The following HOXB2 variants were observed in gnomAD, a reference collection of about 807,000 sequenced individuals.
HOXB2 encodes homeobox B2, also known as homeobox protein Hox-B2.
HOXB2 carries 14 observed loss-of-function variants against 13.1 expected under a neutral mutation model. That is an observed-to-expected ratio of 1.07 (90% CI 0.71 to 1.67). The LOEUF (loss-of-function observed/expected upper bound fraction) is 1.67, where lower values mean the gene tolerates loss of function less well. Among genes scored for constraint, HOXB2 ranks in the 40% most tolerant of loss-of-function variants. The probability of loss-of-function intolerance (pLI) is 0.00; values close to 1 mark genes in which losing one functional copy is unlikely to be tolerated. For missense variants in HOXB2, 582 were observed against 488.3 expected, an observed-to-expected ratio of 1.19 and a Z score of -1.81; for synonymous variants, 261 against 233.1, an observed-to-expected ratio of 1.12 and a Z score of -1.09.
Position 48,544,948 on chromosome 17 carries a change from G to GGGGGGGGCGGGGGGGGGGGC in HOXB2, c.-38_-37insGCCCCCCCCCCCGCCCCCCC. 6 of 1,051,160 alleles carry GGGGGGGGCGGGGGGGGGGGC rather than the reference G, an allele frequency of 5.7e-6. No individual in the cohort carries two copies. The highest frequency in any genetic ancestry group is 2.4e-5 in the Admixed American group (1 of 42,144). 65.1% of individuals were successfully genotyped at this position (1,051,160 alleles called of 1,614,324 possible). ...GTGGGGGAGGGGGCTGCTGGGGGGGGCGTCAGGAGGGAGGATCGGAAGGGA... is the reference window on the plus strand; with the variant it reads ...GTGGGGGAGGGGGCTGCTGGGGGGGGGGGGGGGCGGGGGGGGGGGCCGTCAGGAGGGAGGATCGGAAGGGA... On this transcript the variant is annotated 5_prime_UTR_variant, in exon 1 of 2. Coordinates refer to ENST00000330070, the MANE Select transcript of HOXB2 (RefSeq NM_002145.4).
Position 48,543,664 on chromosome 17 carries a change from C to G in HOXB2, c.475G>C (p.Glu159Gln). ...AYTNTQLLELEKEFHFNKYLC... is the reference protein window; with the variant it reads ...AYTNTQLLELQKEFHFNKYLC... ...TACTTATTAAAGTGGAATTCCTTCT[C>G]CAGTTCCAGCAGCTGCGTGTTGGTG... Residue 159 changes from glutamate to glutamine, a missense_variant, in exon 2 of 2, where the codon GAG (glutamate) becomes CAG (glutamine). By Grantham distance (29) the Glu-to-Gln change is conservative (BLOSUM62 2). Transcript: ENST00000330070. 6.2e-7 allele frequency: 1 copy of G among 1,613,590 alleles called. No homozygotes were observed.
chr17:48,542,890 A>T lies in HOXB2; in HGVS notation c.*178T>A, dbSNP rs1269500659. On this transcript the variant is annotated 3_prime_UTR_variant, in exon 2 of 2. Coordinates refer to ENST00000330070, the MANE Select transcript of HOXB2 (RefSeq NM_002145.4). Reference sequence around the variant, plus strand: ...TTTTTCTGTGTGAATTTTAAAAGATAACCGAGTGCCCAATATTTTAGAAGA... The same window carrying T: ...TTTTTCTGTGTGAATTTTAAAAGATTACCGAGTGCCCAATATTTTAGAAGA... The T allele has an allele frequency of 2.2e-6, 1 of 445,202 alleles. No homozygotes were observed. Among genetic ancestry groups the T allele is most frequent in the African/African-American group, 2.0e-5 (1 of 49,106 alleles). The allele number at this position is 445,202 out of a possible 1,614,324, so 27.6% of individuals were successfully genotyped here.
In HOXB2 at chr17:48,543,365, C is replaced by T. The variant is rs756529478; in HGVS notation, c.774G>A (p.Ala258=). 6.3e-7 allele frequency: 1 copy of T among 1,591,742 alleles called. No homozygotes were observed. Among genetic ancestry groups the T allele is most frequent in the Non-Finnish European group, 8.5e-7 (1 of 1,173,088 alleles). ...AGCGAACGGCTAAAGGCCGGGGGTC[C>T]GCGCTTAAGGCCCCCGGCACCACCT... ...PPEVVPGALS[A]DPRPLAVRLE... is the part of the protein sequence containing the mutation. The change falls in exon 2 of 2, where the codon GCG becomes GCA. Residue 258 remains alanine (A), a synonymous_variant. Transcript: ENST00000330070.
In HOXB2 at chr17:48,542,945, T is replaced by A; in HGVS notation, c.*123A>T. The A allele has an allele frequency of 1.6e-6, 1 of 635,252 alleles. No homozygotes were observed. The highest frequency in any genetic ancestry group is 3.2e-5 in the Admixed American group (1 of 31,132). 39.4% of individuals were successfully genotyped at this position (635,252 alleles called of 1,614,324 possible). ...GAAAGGGAGTGGATTAAACGCTAATTCAGTAATACCTGAATTTTAGCAAAA... is the reference window on the plus strand; with the variant it reads ...GAAAGGGAGTGGATTAAACGCTAATACAGTAATACCTGAATTTTAGCAAAA... On this transcript the variant is annotated 3_prime_UTR_variant, in exon 2 of 2. Coordinates refer to ENST00000330070, the MANE Select transcript of HOXB2 (RefSeq NM_002145.4).
At position 48,543,118 on chromosome 17, in the gene HOXB2, G is replaced by C. The variant is rs746777954; in HGVS notation, c.1021C>G (p.Leu341Val). ...CAGAGCGTACTGGTGAAAAAATCCA[G>C]CTCTTCCTCGGAAAAAGGGACCGGG... ...DSPVPFSEEE[L>V]DFFTSTLCAI... is the part of the protein sequence containing the mutation. Residue 341 changes from leucine (L) to valine (V), a missense_variant, in exon 2 of 2, where the codon CTG (leucine) becomes GTG (valine). By Grantham distance (32) the Leu-to-Val change is conservative. Coordinates refer to ENST00000330070, the MANE Select transcript of HOXB2 (RefSeq NM_002145.4). 4 of 1,613,058 alleles carry C rather than the reference G, an allele frequency of 2.5e-6. No homozygotes were observed. Among genetic ancestry groups the C allele is most frequent in the Non-Finnish European group, 3.4e-6 (4 of 1,179,758 alleles).
Position 48,543,104 on chromosome 17 carries a change from G to A in HOXB2, c.1035C>T (p.Thr345=). The change falls in exon 2 of 2, where the codon ACC becomes ACT. Residue 345 remains threonine, a synonymous_variant. Transcript: ENST00000330070. ...GCAGGTCGATGGCACAGAGCGTACT[G>A]GTGAAAAAATCCAGCTCTTCCTCGG... ...PFSEEELDFF[T]STLCAIDLQF... The A allele has an allele frequency of 6.2e-7, 1 of 1,612,874 alleles. No homozygotes were observed. The highest frequency in any genetic ancestry group is 1.3e-5 in the African/African-American group (1 of 74,854).
chr17:48,544,955 G>T lies in HOXB2; in HGVS notation c.-44C>A, dbSNP rs199560772. On this transcript the variant is annotated 5_prime_UTR_variant, in exon 1 of 2. Transcript: ENST00000330070. Reference sequence around the variant, plus strand: ...AGGGGGCTGCTGGGGGGGGCGTCAGGAGGGAGGATCGGAAGGGACCCCCCT... The same window carrying T: ...AGGGGGCTGCTGGGGGGGGCGTCAGTAGGGAGGATCGGAAGGGACCCCCCT... 8 of 1,350,790 alleles carry T rather than the reference G, an allele frequency of 5.9e-6. No individual in the cohort carries two copies. The highest frequency in any genetic ancestry group is 1.5e-5 in the South Asian group (1 of 67,382). 83.7% of individuals were successfully genotyped at this position (1,350,790 alleles called of 1,614,324 possible).
At position 48,544,989 on chromosome 17, in the gene HOXB2, C is replaced by T. The variant is rs1267372895; in HGVS notation, c.-78G>A. The T allele has an allele frequency of 1.5e-6, 2 of 1,365,774 alleles. No individual in the cohort carries two copies. The highest frequency in any genetic ancestry group is 2.5e-5 in the East Asian group (1 of 40,250). 84.6% of individuals were successfully genotyped at this position (1,365,774 alleles called of 1,614,324 possible). On this transcript the variant is annotated 5_prime_UTR_variant, in exon 1 of 2. Coordinates refer to ENST00000330070, the MANE Select transcript of HOXB2 (RefSeq NM_002145.4). ...TCGGAAGGGACCCCCCTCCTGCACC[C>T]CCCCCGATTTATGTAATGGAGCGAT...
chr17:48,543,381 G>C lies in HOXB2; in HGVS notation c.758C>G (p.Pro253Arg). 1.5e-5 allele frequency: 24 copies of C among 1,587,604 alleles called. No individual in the cohort carries two copies. Among genetic ancestry groups the C allele is most frequent in the Non-Finnish European group, 2.0e-5 (23 of 1,170,434 alleles). Reference sequence around the variant, plus strand: ...CCGGGGGTCCGCGCTTAAGGCCCCCGGCACCACCTCCGGCGGGTGACAGCA... The same window carrying C: ...CCGGGGGTCCGCGCTTAAGGCCCCCCGCACCACCTCCGGCGGGTGACAGCA... ...EACCHPPEVVPGALSADPRPL... is the reference protein window; with the variant it reads ...EACCHPPEVVRGALSADPRPL... Residue 253 changes from proline to arginine, a missense_variant, in exon 2 of 2, where the codon CCG becomes CGG. Coordinates refer to ENST00000330070, the MANE Select transcript of HOXB2 (RefSeq NM_002145.4).
intron 1 of HOXB2, chr17:48,543,979 G>T: frequency 7.7e-7 from 1 of 1,290,542 alleles, no homozygotes; most frequent in Non-Finnish European, 9.8e-7. Flanking sequence ...CACGGGCCAC[G>T]CAGGGGGCGG....
Position 48,542,806 on chromosome 17 carries a change from A to G in HOXB2, c.*262T>C. Reference sequence around the variant, plus strand: ...AGGTCCCTCTAGTTATTTTTAAGAAAGTCCCCCTAGAGTTTAATTATTCCT... The same window carrying G: ...AGGTCCCTCTAGTTATTTTTAAGAAGGTCCCCCTAGAGTTTAATTATTCCT... On this transcript the variant is annotated 3_prime_UTR_variant, in exon 2 of 2. Transcript: ENST00000330070. 2.9e-6 allele frequency: 1 copy of G among 344,340 alleles called. No homozygotes were observed. Among genetic ancestry groups the G allele is most frequent in the African/African-American group, 2.1e-5 (1 of 47,642 alleles). The allele number at this position is 344,340 out of a possible 1,614,324, so 21.3% of individuals were successfully genotyped here. A position where few individuals can be genotyped will look rare whatever the true frequency, so the allele number is the denominator to read the frequency against.
chr17:48,543,941 G>A (rs2068536713), intron 1 of HOXB2, 194 bp from the exon 2 acceptor site: 3 of 1,367,852 alleles, frequency 2.2e-6, no homozygotes, highest in South Asian at 1.8e-5. Flanking sequence ...GCCCCGGCCC[G>A]GGTCAGGGCA....
Position 48,543,124 on chromosome 17 carries a change from C to T in HOXB2, c.1015G>A (p.Glu339Lys), listed in dbSNP as rs374804676. The T allele has an allele frequency of 4.3e-5, 69 of 1,612,764 alleles. 2 individuals carry two copies. In the Middle Eastern group the frequency reaches 4.9e-4, roughly 12 times the overall value. ...GTACTGGTGAAAAAATCCAGCTCTTCCTCGGAAAAAGGGACCGGGCTGTCG... is the reference window on the plus strand; with the variant it reads ...GTACTGGTGAAAAAATCCAGCTCTTTCTCGGAAAAAGGGACCGGGCTGTCG... The part of the protein sequence containing the change: ...SLDSPVPFSE[E>K]ELDFFTSTLC... Residue 339 changes from glutamate to lysine, a missense_variant, in exon 2 of 2, where the codon GAA becomes AAA. By Grantham distance (56) the Glu-to-Lys change is moderately conservative. Transcript: ENST00000330070.
At chr17:48,543,894 T>C (rs2068535961) in intron 1 of HOXB2, 147 bp from the exon 2 acceptor site, 2 of 1,072,958 alleles carry the variant, frequency 1.9e-6, no homozygotes, top group Non-Finnish European at 2.4e-6. Flanking sequence ...CTCGCTTTAC[T>C]GCTTTTGGGT....
Position 48,542,984 on chromosome 17 carries a change from G to A in HOXB2, c.*84C>T. The A allele has an allele frequency of 9.4e-7, 1 of 1,067,114 alleles. No homozygotes were observed. The highest frequency in any genetic ancestry group is 1.4e-6 in the Non-Finnish European group (1 of 736,668). 66.1% of individuals were successfully genotyped at this position (1,067,114 alleles called of 1,614,324 possible). Reference sequence around the variant, plus strand: ...ATTTTAGCAAAACACATAAGTCTATGCGACTGAGGGTGGGAGAGGCTCGAT... The same window carrying A: ...ATTTTAGCAAAACACATAAGTCTATACGACTGAGGGTGGGAGAGGCTCGAT... On this transcript the variant is annotated 3_prime_UTR_variant, in exon 2 of 2. Transcript: ENST00000330070.
In HOXB2 at chr17:48,544,986, A is replaced by T; in HGVS notation, c.-75T>A. On this transcript the variant is annotated 5_prime_UTR_variant, in exon 1 of 2. Coordinates refer to ENST00000330070, the MANE Select transcript of HOXB2 (RefSeq NM_002145.4). ...GGATCGGAAGGGACCCCCCTCCTGC[A>T]CCCCCCCCGATTTATGTAATGGAGC... The T allele has an allele frequency of 8.8e-7, 1 of 1,130,912 alleles. No individual in the cohort carries two copies. Among genetic ancestry groups the T allele is most frequent in the Non-Finnish European group, 1.2e-6 (1 of 844,512 alleles). 70.1% of individuals were successfully genotyped at this position (1,130,912 alleles called of 1,614,324 possible). A position where few individuals can be genotyped will look rare whatever the true frequency, so the allele number is the denominator to read the frequency against.
At chr17:48,544,138 T>C (rs2068540757) in intron 1 of HOXB2, 1 of 985,226 alleles carries the variant, frequency 1.0e-6, no homozygotes, top group Non-Finnish European at 1.2e-6. Flanking sequence ...GAATTCTTCC[T>C]CTTCTCCTAG....
Position 48,544,841 on chromosome 17 carries a change from G to A in HOXB2, c.71C>T (p.Ser24Phe). 2 of 1,612,474 alleles carry A rather than the reference G, an allele frequency of 1.2e-6. No homozygotes were observed. Among genetic ancestry groups the A allele is most frequent in the Non-Finnish European group, 1.7e-6 (2 of 1,179,552 alleles). The stretch of plus-strand genomic sequence containing the variant: ...AAATGTCTCCAAGACAGCGGGGAAG[G>A]AAGTCAGACACTCGGCGAGCGACGG... Reference protein sequence around the residue: ...SQPSLAECLTSFPAVLETFQT... With the variant: ...SQPSLAECLTFFPAVLETFQT... Residue 24 changes from serine to phenylalanine, a missense_variant, in exon 1 of 2, where the codon TCC (serine) becomes TTC (phenylalanine). Ser to Phe is a radical substitution (Grantham distance 155). Transcript: ENST00000330070.
At position 48,544,547 on chromosome 17, in the gene HOXB2, G is replaced by T. The variant is rs777610889; in HGVS notation, c.365C>A (p.Pro122Gln). 1.2e-6 allele frequency: 2 copies of T among 1,606,324 alleles called. No homozygotes were observed. Among genetic ancestry groups the T allele is most frequent in the South Asian group, 2.2e-5 (2 of 90,794 alleles). Residue 122 changes from proline (P) to glutamine (Q), a missense_variant, in exon 1 of 2, where the codon CCG becomes CAG. Pro to Gln is a moderately conservative substitution (Grantham distance 76). Transcript: ENST00000330070. ...TSPSPAASAV[P>Q]ASGVGSPADG... is the part of the protein sequence containing the mutation. ...TGCAGGCGATCCGACCCCGGAGGCC[G>T]GAACGGCGGAGGCGGCCGGAGAAGG...
Sources: gnomAD v4.1 joint callset for allele counts on GRCh38, gnomAD v4.1.1 for gene constraint, MANE v1.5 for transcripts, NCBI Gene and HGNC (gene_info 2026-07-23, HGNC 2026-07-21) for gene names.